MAP2K1: variants seen among roughly 807,000 people sequenced by gnomAD.
MAP2K1 encodes mitogen-activated protein kinase kinase 1, also known as dual specificity mitogen-activated protein kinase kinase 1.
MAP2K1 carries 16 observed loss-of-function variants against 46.3 expected under a neutral mutation model. The observed-to-expected ratio is 0.35, with a 90% CI of 0.23 to 0.52. The LOEUF is 0.52. Ranked by LOEUF, MAP2K1 falls within the 20% of genes least tolerant of loss-of-function variation. The probability of loss-of-function intolerance (pLI) is 0.94; values close to 1 mark genes in which losing one functional copy is unlikely to be tolerated. For missense variants in MAP2K1, 263 were observed against 497.1 expected (o/e 0.53, Z 4.48); for synonymous variants, 183 against 185.6 (o/e 0.99, Z 0.11).
intron 5 of MAP2K1, among the ~76,000 whole-genome samples, chr15:66,449,023 A>G (rs1891958811): frequency 6.6e-6 from 1 of 150,492 alleles, no homozygotes; most frequent in Non-Finnish European, 1.5e-5. Context: ...AAAAAAAAAA[A>G]AAAAACAACA....
intron 5 of MAP2K1, among the ~76,000 whole-genome samples, chr15:66,470,417 G>A (rs936614652): frequency 5.3e-5 from 8 of 152,056 alleles, no homozygotes; most frequent in Non-Finnish European, 1.0e-4. Context: ...CCTAGAAGCA[G>A]GAAAAGACTC....
chr15:66,446,277 A>G (rs1484832752), intron 5 of MAP2K1, among the ~76,000 whole-genome samples: 12 of 151,880 alleles, frequency 7.9e-5, no homozygotes, highest in Non-Finnish European at 1.6e-4. Flanking sequence ...TATCTCTACT[A>G]AAAATATAAA....
intron 1 of MAP2K1, among the ~76,000 whole-genome samples, chr15:66,403,907 G>A (rs1190172774): frequency 6.6e-6 from 1 of 151,980 alleles, no homozygotes; most frequent in Non-Finnish European, 1.5e-5. Context: ...TCCTTATGTC[G>A]GGGAGGGCAG....
At chr15:66,443,414 G>A (rs866560801) in intron 4 of MAP2K1, 57 bp downstream of exon 4, 6 of 1,043,666 alleles carry the variant, frequency 5.7e-6, no homozygotes, top group African/African-American at 4.7e-5. Flanking sequence ...TAATGAGTCG[G>A]TAAGAAATGG....
chr15:66,456,736 G>A (rs1035173338), intron 5 of MAP2K1, among the ~76,000 whole-genome samples: 1 of 152,144 alleles, frequency 6.6e-6, no homozygotes, highest in Admixed American at 6.5e-5. Context: ...GTGTTGCCTG[G>A]TGGGCCACCC....
chr15:66,407,957 C>T lies in MAP2K1; in HGVS notation c.80+20530C>T, dbSNP rs546224389. Among the ~76,000 whole-genome samples the T allele has an allele frequency of 3.2e-4, 49 of 152,276 alleles. No homozygotes were observed. In the South Asian group the frequency reaches 6.2e-3, roughly 19 times the overall value. The stretch of plus-strand genomic sequence containing the variant: ...CTTTTGAGTAACATAACCTAAAGGC[C>T]GTGTGGCACAGTGGAAAGGCTTTGT... On this transcript the variant is annotated intron_variant, in intron 1 of 10. Coordinates refer to ENST00000307102, the MANE Select transcript of MAP2K1 (RefSeq NM_002755.4).
chr15:66,392,254 G>GTTTTTTTTTTTTTT (rs374203054), intron 1 of MAP2K1, among the ~76,000 whole-genome samples: 25 of 79,664 alleles, frequency 3.1e-4, no homozygotes, highest in African/African-American at 5.6e-4. Flanking sequence ...GTTTTTTTTG[G>GTTTTTTTTTTTTTT]GTTTTTTTTT....
chr15:66,395,693 C>T lies in MAP2K1; in HGVS notation c.80+8266C>T, dbSNP rs78494333. Among the ~76,000 whole-genome samples, 101 of 151,714 alleles carry T rather than the reference C, an allele frequency of 6.7e-4. 1 individual carries two copies. Among genetic ancestry groups the T allele is most frequent in the African/African-American group, 2.4e-3 (99 of 41,330 alleles). On this transcript the variant is annotated intron_variant, in intron 1 of 10. Transcript: ENST00000307102. ...CTGGGCTCAAGTGAGTATCGTGCCT[C>T]AGCCTCCCGAGTAGCTGGGATTACA... is the stretch of plus-strand genomic sequence containing the variant.
Position 66,491,431 on chromosome 15 carries a change from A to C in MAP2K1, c.*816A>C, listed in dbSNP as rs74022018. 1.4e-3 allele frequency: 313 copies of C among 227,832 alleles called. 1 individual carries two copies. The highest frequency in any genetic ancestry group is 6.7e-3 in the African/African-American group (301 of 45,114). 14.1% of individuals were successfully genotyped at this position (227,832 alleles called of 1,614,324 possible). A position where few individuals can be genotyped will look rare whatever the true frequency, so the allele number is the denominator to read the frequency against. On this transcript the variant is annotated 3_prime_UTR_variant, in exon 11 of 11. Transcript: ENST00000307102. ...CAATGCTGTTGTAAACAACGTGTAT[A>C]GTGCCTAAAATTGTATGAAAATCCT...
chr15:66,400,790 A>G (rs10851758), intron 1 of MAP2K1, among the ~76,000 whole-genome samples: 137,928 of 152,192 alleles, frequency 0.91, 64,026 homozygotes, highest in East Asian at 1. Flanking sequence ...ATTTCGCTGC[A>G]TAACTCCCAG....
Position 66,435,558 on chromosome 15 carries a change from C to A in MAP2K1, c.291+321C>A, listed in dbSNP as rs537910238. On this transcript the variant is annotated intron_variant, in intron 2 of 10. Coordinates refer to ENST00000307102, the MANE Select transcript of MAP2K1 (RefSeq NM_002755.4). ...GGTCAAGCTGATCTCGAACTCCTGA[C>A]CTCAGGTGATACGCCCGCCTCAGCC... 7.2e-5 allele frequency among the ~76,000 whole-genome samples: 11 copies of A among 152,086 alleles called. No homozygotes were observed. In the East Asian group the frequency reaches 1.9e-3, roughly 27 times the overall value.
At chr15:66,406,241 A>T (rs2093396307) in intron 1 of MAP2K1, among the ~76,000 whole-genome samples, 2 of 152,236 alleles carry the variant, frequency 1.3e-5, no homozygotes, top group South Asian at 4.1e-4. Flanking sequence ...TGTCTGAATT[A>T]TATTGCTGGT....
rs1164509967 is a variant in MAP2K1, at chr15:66,432,959, A to AGTGTGTGTGTGTGTGTGTGT, written c.81-2045_81-2026dup. On this transcript the variant is annotated intron_variant, in intron 1 of 10. Coordinates refer to ENST00000307102, the MANE Select transcript of MAP2K1 (RefSeq NM_002755.4). ...CTCCTTCCATTCCCCCATCATGCAC[A>AGTGTGTGTGTGTGTGTGTGT]GTGTGTGTGTGTGTGTGTGTGTGTG... Among the ~76,000 whole-genome samples the AGTGTGTGTGTGTGTGTGTGT allele has an allele frequency of 6.7e-3, 881 of 131,962 alleles. 15 individuals carry two copies. Among genetic ancestry groups the AGTGTGTGTGTGTGTGTGTGT allele is most frequent in the South Asian group, 0.015 (52 of 3,492 alleles). 86.6% of individuals were successfully genotyped at this position (131,962 alleles called of 152,430 possible).
chr15:66,444,529 G>A (rs1421217774), intron 4 of MAP2K1, 127 bp from the exon 5 acceptor site: 5 of 736,812 alleles, frequency 6.8e-6, no homozygotes, highest in African/African-American at 5.2e-5. Context: ...GTGAAACTGC[G>A]TCTCAAAGGA....
chr15:66,421,750 G>A (rs1319840930), intron 1 of MAP2K1, among the ~76,000 whole-genome samples: 1 of 150,674 alleles, frequency 6.6e-6, no homozygotes, highest in Non-Finnish European at 1.5e-5. Context: ...AGTGAGCTGA[G>A]ATCGTATCAC....
At chr15:66,458,334 G>T (rs1421931028) in intron 5 of MAP2K1, among the ~76,000 whole-genome samples, 1 of 152,200 alleles carries the variant, frequency 6.6e-6, no homozygotes, top group African/African-American at 2.4e-5. Flanking sequence ...TCAATACGCA[G>T]TTCATCCAAC....
chr15:66,489,437 C>A, intron 9 of MAP2K1, 161 bp downstream of exon 9: 3 of 741,614 alleles, frequency 4.0e-6, no homozygotes, highest in South Asian at 1.5e-5. Flanking sequence ...TTTTAGAGTG[C>A]CAAGACTTAT....
intron 5 of MAP2K1, among the ~76,000 whole-genome samples, chr15:66,477,716 T>A (rs953231088): frequency 8.6e-5 from 13 of 151,840 alleles, no homozygotes; most frequent in African/African-American, 3.1e-4. Context: ...ATGGGGAGAG[T>A]GTGGGCCGGG....
At chr15:66,478,572 C>T (rs1433754713) in intron 5 of MAP2K1, among the ~76,000 whole-genome samples, 2 of 150,678 alleles carry the variant, frequency 1.3e-5, no homozygotes, top group Non-Finnish European at 1.5e-5. Context: ...GATCTCGGCT[C>T]ATTGCAACTT....
Sources: gnomAD v4.1 joint callset for allele counts (sites outside exome capture counted in the v4.1 genomes callset) on GRCh38, gnomAD v4.1.1 for gene constraint, MANE v1.5 for transcripts, NCBI Gene and HGNC (gene_info 2026-07-23, HGNC 2026-07-21) for gene names.